The following WNK3 variants were observed in gnomAD, a reference collection of about 807,000 sequenced individuals.
WNK3 encodes the protein serine/threonine-protein kinase WNK3.
Under a neutral mutation model 116.7 loss-of-function variants are expected in WNK3, and 18 were observed. The observed-to-expected ratio is 0.15, with a 90% CI of 0.11 to 0.23. The LOEUF (loss-of-function observed/expected upper bound fraction) is 0.23, where lower values mean the gene tolerates loss of function less well. Among genes scored for constraint, WNK3 ranks in the 10% least tolerant of loss-of-function variants. The pLI, the probability that WNK3 is intolerant of heterozygous loss-of-function variation, is 1.00. For missense variants in WNK3, 993 were observed against 1,323.8 expected (o/e 0.75, Z 3.88); for synonymous variants, 404 against 469.4 (o/e 0.86, Z 1.80).
intron 21 of WNK3, among the ~76,000 whole-genome samples, chrX:54,232,021 G>GTA (rs1476343730): frequency 9.2e-6 from 1 of 108,984 alleles, no homozygotes; most frequent in Non-Finnish European, 1.9e-5. Flanking sequence ...GAGCATGAGT[G>GTA]TATATATATG....
At chrX:54,224,694 C>T (rs1377179930) in intron 22 of WNK3, among the ~76,000 whole-genome samples, 1 of 109,043 alleles carries the variant, frequency 9.2e-6, no homozygotes, top group Middle Eastern at 4.3e-3. Flanking sequence ...CTCAGCCTCC[C>T]GAGTAGCTGG....
At chrX:54,310,011 TA>T (rs2068868620) in intron 3 of WNK3, among the ~76,000 whole-genome samples, 1 of 110,759 alleles carries the variant, frequency 9.0e-6, no homozygotes, top group Non-Finnish European at 1.9e-5. Flanking sequence ...ACAAAAAGTT[TA>T]TACCATATTT....
intron 13 of WNK3, 106 bp from the exon 14 acceptor site, chrX:54,251,793 C>G (rs1557154349): frequency 2.5e-6 from 2 of 790,624 alleles, no homozygotes; most frequent in African/African-American, 4.2e-5. Context: ...GGGCCAGGCA[C>G]AGTGGCTCAT....
intron 1 of WNK3, among the ~76,000 whole-genome samples, chrX:54,334,099 A>G (rs1189043391): frequency 9.0e-6 from 1 of 111,076 alleles, no homozygotes; most frequent in African/African-American, 3.3e-5. Flanking sequence ...CCAAACCCTG[A>G]GTTCACTTAG....
chrX:54,282,268 T>C (rs1199542498), intron 10 of WNK3, among the ~76,000 whole-genome samples: 4 of 110,192 alleles, frequency 3.6e-5, no homozygotes, highest in Admixed American at 9.8e-5. Context: ...TGGTCTTGAA[T>C]TCCTGGGCTA....
At chrX:54,306,961 G>A (rs1259652567) in intron 5 of WNK3, among the ~76,000 whole-genome samples, 4 of 110,055 alleles carry the variant, frequency 3.6e-5, no homozygotes, top group African/African-American at 9.9e-5. Context: ...CAGGCGCGGT[G>A]GCTCACACCT....
At chrX:54,255,200 G>A (rs570738060) in intron 12 of WNK3, among the ~76,000 whole-genome samples, 1 of 111,137 alleles carries the variant, frequency 9.0e-6, no homozygotes, top group South Asian at 3.8e-4. Flanking sequence ...GGCTGGTCTC[G>A]AACTCCTGAC....
At chrX:54,206,041 C>G (rs961179302) in intron 22 of WNK3, among the ~76,000 whole-genome samples, 1 of 111,856 alleles carries the variant, frequency 8.9e-6, no homozygotes, top group Non-Finnish European at 1.9e-5. Flanking sequence ...ACCTTGATTT[C>G]TCTCTTCAAT....
At chrX:54,259,842 C>G (rs2068237492) in intron 10 of WNK3, among the ~76,000 whole-genome samples, 1 of 111,799 alleles carries the variant, frequency 8.9e-6, no homozygotes, top group Non-Finnish European at 1.9e-5. Context: ...TGTTTAAGCT[C>G]TTAATAGGGC....
rs782667504 is a variant in WNK3, at chrX:54,333,486, A to G, written c.188T>C (p.Val63Ala). Residue 63 changes from valine to alanine, a missense_variant, in exon 2 of 24, where the codon GTT becomes GCT. By Grantham distance (64) the Val-to-Ala change is moderately conservative. Transcript: ENST00000354646. ...AACTTTGTCATCTTCCGTCATTTCA[A>G]CACTCTTTCGGAAAAATCTCTTCCT... 2.7e-5 allele frequency: 33 copies of G among 1,209,649 alleles called. No individual in the cohort carries two copies. The East Asian group carries it at 3.8e-4, about 14-fold the overall frequency.
Position 54,238,965 on chromosome X carries a change from AT to A in WNK3, c.3785del (p.Asn1262IlefsTer12). On this transcript the variant is annotated frameshift_variant, in exon 18 of 24. Coordinates refer to ENST00000354646, the Ensembl canonical transcript of WNK3. LOFTEE classifies it high-confidence loss of function. ...GAGTCCAGGATTTCTTGCTAATAGG[AT>A]TTTTGAGACTAGGACAAGTAAAGCT... is the stretch of plus-strand genomic sequence containing the variant. The A allele has an allele frequency of 8.3e-7, 1 of 1,210,472 alleles. No individual in the cohort carries two copies. The highest frequency in any genetic ancestry group is 1.1e-6 in the Non-Finnish European group (1 of 895,088).
chrX:54,352,354 G>A (rs1415558035), intron 1 of WNK3, among the ~76,000 whole-genome samples: 6 of 111,735 alleles, frequency 5.4e-5, no homozygotes, highest in African/African-American at 1.9e-4. Context: ...AACTGCTATG[G>A]AAAACGGTTT....
intron 10 of WNK3, among the ~76,000 whole-genome samples, chrX:54,280,024 G>A (rs782081183): frequency 1.8e-5 from 2 of 112,630 alleles, no homozygotes; most frequent in Admixed American, 1.9e-4. Flanking sequence ...TAGGCCGGGC[G>A]TAGTGGCTCA....
intron 1 of WNK3, among the ~76,000 whole-genome samples, chrX:54,352,056 GACAA>G (rs1243355082): frequency 1.8e-5 from 2 of 111,090 alleles, no homozygotes; most frequent in Non-Finnish European, 3.8e-5. Context: ...ACAATAAAAA[GACAA>G]ACAACCAAAT....
intron 13 of WNK3, 49 bp downstream of exon 13, chrX:54,253,910 A>C: frequency 1.2e-6 from 1 of 867,398 alleles, no homozygotes; most frequent in Non-Finnish European, 1.7e-6. Context: ...TTATAGGGGA[A>C]AAAAGACAGA....
At chrX:54,338,015 T>G (rs1345394384) in intron 1 of WNK3, among the ~76,000 whole-genome samples, 1 of 110,429 alleles carries the variant, frequency 9.1e-6, no homozygotes, top group Non-Finnish European at 1.9e-5. Context: ...GTAGTAAGAT[T>G]GACAGAGCCA....
At chrX:54,237,694 A>G (rs1246662859) in intron 19 of WNK3, 143 bp from the exon 20 acceptor site, 18 of 509,433 alleles carry the variant, frequency 3.5e-5, no homozygotes, top group Non-Finnish European at 5.2e-5. Flanking sequence ...CCCTTGGGTA[A>G]AGAGAGTGGG....
chrX:54,301,870 A>T lies in WNK3; in HGVS notation c.1090-11T>A. On this transcript the variant is annotated splice_polypyrimidine_tract_variant and intron_variant, in intron 5 of 23. Coordinates refer to ENST00000354646, the Ensembl canonical transcript of WNK3. ...GGCTGGTTTTATGCCCTAGGAGAAAAAAATGGTTTCTAGTAACAATGATGC... is the reference window on the plus strand; with the variant it reads ...GGCTGGTTTTATGCCCTAGGAGAAATAAATGGTTTCTAGTAACAATGATGC... 1 of 1,184,669 alleles carries T rather than the reference A, an allele frequency of 8.4e-7. No individual in the cohort carries two copies. Among genetic ancestry groups the T allele is most frequent in the African/African-American group, 1.7e-5 (1 of 57,325 alleles).
chrX:54,202,418 C>T (rs1023349323), intron 22 of WNK3, among the ~76,000 whole-genome samples: 3 of 111,070 alleles, frequency 2.7e-5, no homozygotes, highest in Non-Finnish European at 3.8e-5. Flanking sequence ...CTTGGCTGGG[C>T]GCAGTGGCTC....
Sources: allele counts gnomAD v4.1 joint callset (sites outside exome capture counted in the v4.1 genomes callset), GRCh38; gene constraint gnomAD v4.1.1; transcripts MANE v1.5; gene names NCBI Gene and HGNC (gene_info 2026-07-23, HGNC 2026-07-21).